The following MASP1 variants were observed in gnomAD, a reference collection of about 807,000 sequenced individuals.
The protein encoded by MASP1 is mannan-binding lectin serine protease 1.
Under a neutral mutation model 77.1 loss-of-function variants are expected in MASP1, and 59 were observed. The ratio of observed to expected loss-of-function variants is 0.77; its 90% CI spans 0.62 to 0.95. The LOEUF (loss-of-function observed/expected upper bound fraction) is 0.95, where lower values mean the gene tolerates loss of function less well. Ranked by LOEUF, MASP1 falls within the 40% of genes least tolerant of loss-of-function variation. The pLI is 0.00. For synonymous variants in MASP1, 362 were observed against 354.5 expected, an observed-to-expected ratio of 1.02 and a Z score of -0.24; for missense variants, 885 against 912.9, an observed-to-expected ratio of 0.97 and a Z score of 0.39.
intron 2 of MASP1, chr3:187,263,385 A>G (rs1195232776): frequency 5.9e-5 from 9 of 152,322 alleles, no homozygotes; most frequent in Admixed American, 5.9e-4. Flanking sequence ...GACCTGGCAC[A>G]TAATAGTTAT....
intron 2 of MASP1, among the ~76,000 whole-genome samples, chr3:187,274,105 G>A (rs1716756101): frequency 6.6e-6 from 1 of 152,182 alleles, no homozygotes; most frequent in South Asian, 2.1e-4. Flanking sequence ...CTACTCAGGA[G>A]GCTGAGGCTC....
At chr3:187,255,883 C>T (rs1286369184) in intron 5 of MASP1, among the ~76,000 whole-genome samples, 1 of 151,864 alleles carries the variant, frequency 6.6e-6, no homozygotes, top group Non-Finnish European at 1.5e-5. Context: ...AAATCAGCAC[C>T]TCTTTAAACA....
At chr3:187,224,545 A>T (rs1022185447) in intron 13 of MASP1, among the ~76,000 whole-genome samples, 1 of 151,230 alleles carries the variant, frequency 6.6e-6, no homozygotes, top group Non-Finnish European at 1.5e-5. Flanking sequence ...ACGGGGTTTC[A>T]CCGTTTTAGC....
chr3:187,256,776 T>G lies in MASP1; in HGVS notation c.632A>C (p.Glu211Ala). 6 of 1,613,922 alleles carry G rather than the reference T, an allele frequency of 3.7e-6. No individual in the cohort carries two copies. The South Asian group carries it at 6.6e-5, about 18-fold the overall frequency. ...CTCCAGCTCGATGGTATACAGGCAT[T>G]CAGAGCTCTTGGGGTAAGGGTTTGG... ...DFPNPYPKSS[E>A]CLYTIELEEG... The change falls in exon 5 of 11, where the codon GAA (glutamate) becomes GCA (alanine). Residue 211 changes from glutamate to alanine, a missense_variant. Coordinates refer to ENST00000296280, the MANE Select transcript of MASP1 (RefSeq NM_139125.4).
intron 8 of MASP1, chr3:187,246,321 C>T (rs1365626847): frequency 2.5e-5 from 23 of 929,754 alleles, no homozygotes; most frequent in Non-Finnish European, 2.8e-5. Flanking sequence ...AATTCTGATG[C>T]CCTGTATGTC....
chr3:187,260,900 A>G (rs1464076222), intron 3 of MASP1, 28 bp from the exon 4 acceptor site: 1 of 1,613,962 alleles, frequency 6.2e-7, no homozygotes, highest in South Asian at 1.1e-5. Context: ...CCTCTCCATC[A>G]ATACATGCAT....
chr3:187,222,608 CT>C (rs1383633797), intron 14 of MASP1, among the ~76,000 whole-genome samples: 1 of 151,934 alleles, frequency 6.6e-6, no homozygotes, highest in Non-Finnish European at 1.5e-5. Flanking sequence ...GGCAAAATAA[CT>C]TGCTTCAGAT....
chr3:187,235,761 C>A lies in MASP1; in HGVS notation c.2110G>T (p.Val704Phe). 6.2e-7 allele frequency: 1 copy of A among 1,614,166 alleles called. No homozygotes were observed. Among genetic ancestry groups the A allele is most frequent in the East Asian group, 2.2e-5 (1 of 44,880 alleles). ...CACACCCAGTCCACGTAATTGGAGA[C>A]CTTTGTGTAGACTCCATAGACCTGC... The part of the protein sequence containing the change: ...SKQVYGVYTK[V>F]SNYVDWVWEQ... Residue 704 changes from valine (V) to phenylalanine (F), a missense_variant, in exon 11 of 11, where the codon GTC becomes TTC. Val to Phe is a conservative substitution (Grantham distance 50). Coordinates refer to ENST00000296280, the MANE Select transcript of MASP1 (RefSeq NM_139125.4).
chr3:187,222,582 T>A (rs186819172), intron 14 of MASP1, among the ~76,000 whole-genome samples: 1 of 152,296 alleles, frequency 6.6e-6, no homozygotes, highest in East Asian at 1.9e-4. Flanking sequence ...GGAAATAGTA[T>A]CTTATGGTCT....
intron 8 of MASP1, chr3:187,244,031 A>C (rs929502659): frequency 4.0e-6 from 1 of 250,784 alleles, no homozygotes; most frequent in African/African-American, 2.2e-5. Context: ...TAGCTGACAT[A>C]AACTAAATAA....
intron 2 of MASP1, among the ~76,000 whole-genome samples, chr3:187,282,743 G>A (rs1269610473): frequency 1.3e-5 from 2 of 152,110 alleles, no homozygotes; most frequent in Non-Finnish European, 2.9e-5. Flanking sequence ...GGTGCCCCAC[G>A]GCTGTTGGAA....
intron 2 of MASP1, among the ~76,000 whole-genome samples, chr3:187,270,059 T>C (rs947396160): frequency 6.6e-6 from 1 of 152,360 alleles, no homozygotes; most frequent in East Asian, 1.9e-4. Context: ...TTATTCACAA[T>C]ACTTTCTTCC....
At chr3:187,260,986 C>T (rs1054900820) in intron 3 of MASP1, 114 bp from the exon 4 acceptor site, 14 of 1,213,264 alleles carry the variant, frequency 1.2e-5, no homozygotes, top group Non-Finnish European at 1.7e-5. Context: ...TTCATGCGTT[C>T]TCTCATTTAA....
At chr3:187,257,081 C>T (rs1452944155) in intron 4 of MASP1, among the ~76,000 whole-genome samples, 1 of 152,096 alleles carries the variant, frequency 6.6e-6, no homozygotes, top group East Asian at 1.9e-4. Context: ...CTGTCCAGGG[C>T]TGTTTACCCT....
chr3:187,263,626 T>C (rs1023042253), intron 2 of MASP1, among the ~76,000 whole-genome samples: 2 of 152,236 alleles, frequency 1.3e-5, no homozygotes, highest in Non-Finnish European at 2.9e-5. Context: ...GCAGTCTTAA[T>C]ACAGAAACTA....
At chr3:187,260,714 A>G in intron 4 of MASP1, 27 bp downstream of exon 4, 3 of 1,614,130 alleles carry the variant, frequency 1.9e-6, no homozygotes, top group Non-Finnish European at 2.5e-6. Flanking sequence ...TATAAGGGCA[A>G]TGCATACAAT....
At chr3:187,236,716 A>G in intron 10 of MASP1, 149 bp from the exon 11 acceptor site, 1 of 1,379,258 alleles carries the variant, frequency 7.3e-7, no homozygotes, top group Non-Finnish European at 1.0e-6. Context: ...CTAGCCTGGG[A>G]GAGCTCTACT....
At chr3:187,229,887 G>A (rs144119038), downstream of MASP1, 6 of 1,614,030 alleles carry the variant, frequency 3.7e-6, no homozygotes, top group Admixed American at 5.0e-5. Context: ...AGAACTTGGG[G>A]AGCCCACACA....
In MASP1 at chr3:187,236,343, G is replaced by T. The variant is rs1488622363; in HGVS notation, c.1528C>A (p.Pro510Thr). The part of the protein sequence containing the change: ...RSQRRDTTVI[P>T]VSKEHVTVYL... The stretch of plus-strand genomic sequence containing the variant: ...ACGGTGACATGCTCCTTGGAGACTG[G>T]TATCACCGTGGTGTCTCTACGCTGG... The change falls in exon 11 of 11, where the codon CCA becomes ACA. Residue 510 changes from proline to threonine, a missense_variant. Coordinates refer to ENST00000296280, the MANE Select transcript of MASP1 (RefSeq NM_139125.4). 6.2e-7 allele frequency: 1 copy of T among 1,614,132 alleles called. No homozygotes were observed. The highest frequency in any genetic ancestry group is 8.5e-7 in the Non-Finnish European group (1 of 1,180,054).
Sources: gnomAD v4.1 joint callset for allele counts (sites outside exome capture counted in the v4.1 genomes callset) on GRCh38, gnomAD v4.1.1 for gene constraint, MANE v1.5 for transcripts, NCBI Gene and HGNC (gene_info 2026-07-23, HGNC 2026-07-21) for gene names.